NEK11: variants seen among roughly 807,000 people sequenced by gnomAD.
NEK11 encodes the protein NIMA related kinase 11.
NEK11 carries 72 observed loss-of-function variants against 80.7 expected under a neutral mutation model. That is an observed-to-expected ratio of 0.89 (90% CI 0.74 to 1.08). The LOEUF is 1.08. NEK11 is among the 50% of genes least tolerant of loss of function. The pLI, the probability that NEK11 is intolerant of heterozygous loss-of-function variation, is 0.00. For synonymous variants in NEK11, 251 were observed against 260.7 expected (o/e 0.96, Z 0.36); for missense variants, 764 against 763.6 (o/e 1.00, Z -0.01).
chr3:131,028,447 A>C (rs2064229920), intron 2 of NEK11, among the ~76,000 whole-genome samples: 1 of 152,234 alleles, frequency 6.6e-6, no homozygotes. Flanking sequence ...TAGATTTAAA[A>C]CAAAAGCACA....
intron 5 of NEK11, among the ~76,000 whole-genome samples, chr3:131,131,072 G>T (rs1578798887): frequency 6.6e-6 from 1 of 152,164 alleles, no homozygotes; most frequent in African/African-American, 2.4e-5. Context: ...AAAGTGCTTG[G>T]ACCACAGGAA....
intron 4 of NEK11, among the ~76,000 whole-genome samples, chr3:131,081,172 TA>T (rs1441003138): frequency 6.6e-6 from 1 of 152,092 alleles, no homozygotes. Flanking sequence ...AATTTTTTGA[TA>T]GGGGGAAGGG....
At position 131,345,928 on chromosome 3, in the gene NEK11, G is replaced by GAATAAA. The variant is rs563089492; in HGVS notation, c.1719-3624_1719-3619dup. On this transcript the variant is annotated intron_variant, in intron 17 of 17. Transcript: ENST00000383366. The stretch of plus-strand genomic sequence containing the variant: ...CTAAGTGAAAAATAGCCAGACATAG[G>GAATAAA]AATAAAAATATTGCATGACCTCAAT... Among the ~76,000 whole-genome samples the GAATAAA allele has an allele frequency of 6.6e-5, 10 of 151,254 alleles. No individual in the cohort carries two copies. The South Asian group carries it at 2.1e-3, about 32-fold the overall frequency.
At chr3:131,344,354 G>C (rs2097330806) in intron 17 of NEK11, among the ~76,000 whole-genome samples, 1 of 152,184 alleles carries the variant, frequency 6.6e-6, no homozygotes. Context: ...CACCTTGTCA[G>C]CCTGGACTTC....
intron 14 of NEK11, among the ~76,000 whole-genome samples, chr3:131,227,935 G>A (rs1237462118): frequency 6.6e-6 from 1 of 152,096 alleles, no homozygotes; most frequent in Non-Finnish European, 1.5e-5. Flanking sequence ...CTGAATGTAA[G>A]GTTGAGTAAG....
At chr3:131,278,594 A>C (rs1019619541) in intron 17 of NEK11, among the ~76,000 whole-genome samples, 1 of 152,010 alleles carries the variant, frequency 6.6e-6, no homozygotes, top group African/African-American at 2.4e-5. Flanking sequence ...AGCCAGATTA[A>C]ATTCCAGGCC....
At chr3:131,053,564 G>T (rs1275426743) in intron 3 of NEK11, 1 of 152,166 alleles carries the variant, frequency 6.6e-6, no homozygotes, top group East Asian at 1.9e-4. Flanking sequence ...AAAAGAAAAA[G>T]GCATCAATTT....
chr3:131,044,828 A>T (rs2067138652), intron 3 of NEK11, among the ~76,000 whole-genome samples: 1 of 152,176 alleles, frequency 6.6e-6, no homozygotes, highest in African/African-American at 2.4e-5. Flanking sequence ...CATTTTTCTC[A>T]GCACCGCATA....
intron 14 of NEK11, among the ~76,000 whole-genome samples, chr3:131,226,008 G>A (rs946582814): frequency 6.6e-6 from 1 of 152,164 alleles, no homozygotes; most frequent in Non-Finnish European, 1.5e-5. Flanking sequence ...GAAAAAATGG[G>A]AGAGCAAGAG....
At chr3:131,117,340 T>G (rs1174072147) in intron 5 of NEK11, among the ~76,000 whole-genome samples, 1 of 152,240 alleles carries the variant, frequency 6.6e-6, no homozygotes, top group Non-Finnish European at 1.5e-5. Flanking sequence ...TCTATATCTC[T>G]GTTTTGGTGG....
At chr3:131,228,175 C>T (rs77399883) in intron 14 of NEK11, among the ~76,000 whole-genome samples, 2,534 of 152,270 alleles carry the variant, frequency 0.017, 72 homozygotes, top group African/African-American at 0.058. Context: ...GACCCTTCAG[C>T]CAGGACATCT....
chr3:131,035,632 G>C (rs1321921528), intron 3 of NEK11, among the ~76,000 whole-genome samples: 1 of 152,180 alleles, frequency 6.6e-6, no homozygotes, highest in African/African-American at 2.4e-5. Flanking sequence ...AGACAAGATA[G>C]ATCTATAAAC....
chr3:131,239,296 G>A (rs1196597829), intron 15 of NEK11, among the ~76,000 whole-genome samples: 1 of 152,166 alleles, frequency 6.6e-6, no homozygotes, highest in African/African-American at 2.4e-5. Flanking sequence ...CTGAGGACGT[G>A]CCTGGGGTCT....
At position 131,132,828 on chromosome 3, in the gene NEK11, T is replaced by C; in HGVS notation, c.520+19T>C. On this transcript the variant is annotated intron_variant, in intron 6 of 17. Coordinates refer to ENST00000383366, the MANE Select transcript of NEK11 (RefSeq NM_024800.5). ...AAAATTGGTAAGATTTTAAAAAGTA[T>C]GAATTCCAAAAACGCAGAACAGTAT... 1.6e-6 allele frequency: 2 copies of C among 1,218,500 alleles called. No homozygotes were observed. The highest frequency in any genetic ancestry group is 2.7e-5 in the South Asian group (2 of 73,260). The allele number at this position is 1,218,500 out of a possible 1,614,324, so 75.5% of individuals were successfully genotyped here. A position where few individuals can be genotyped will look rare whatever the true frequency, so the allele number is the denominator to read the frequency against.
intron 6 of NEK11, chr3:131,133,168 A>G (rs917460617): frequency 4.6e-6 from 2 of 435,646 alleles, no homozygotes; most frequent in African/African-American, 4.1e-5. Context: ...CAGGTTTCTC[A>G]TTTATATTAT....
chr3:131,266,684 T>A (rs930898483), intron 16 of NEK11, among the ~76,000 whole-genome samples: 1 of 152,230 alleles, frequency 6.6e-6, no homozygotes, highest in African/African-American at 2.4e-5. Flanking sequence ...TATATTCTGT[T>A]GATTTCGGGT....
intron 4 of NEK11, among the ~76,000 whole-genome samples, chr3:131,107,680 G>T (rs922885505): frequency 2.5e-5 from 3 of 121,532 alleles, no homozygotes; most frequent in African/African-American, 9.5e-5. Flanking sequence ...TGCAAATATT[G>T]TATTTCCAAT....
At chr3:131,321,244 A>C (rs1461945886) in intron 17 of NEK11, among the ~76,000 whole-genome samples, 1 of 152,178 alleles carries the variant, frequency 6.6e-6, no homozygotes, top group East Asian at 1.9e-4. Context: ...AAAAATAAGC[A>C]ATGGGGAAAG....
At chr3:131,282,285 T>TTTTTTTTTTTTTTTTTTGAGACGG (rs2096407696) in intron 17 of NEK11, among the ~76,000 whole-genome samples, 1 of 152,102 alleles carries the variant, frequency 6.6e-6, no homozygotes, top group African/African-American at 2.4e-5. Context: ...CTGGCATTAT[T>TTTTTTTTTTTTTTTTTTGAGACGG]AATGCCATAG....
Sources: gnomAD v4.1 joint callset for allele counts (sites outside exome capture counted in the v4.1 genomes callset) on GRCh38, gnomAD v4.1.1 for gene constraint, MANE v1.5 for transcripts, NCBI Gene and HGNC (gene_info 2026-07-23, HGNC 2026-07-21) for gene names.